Variants in LRRTM3 observed in about 807,000 individuals in gnomAD.
LRRTM3 encodes the protein leucine rich repeat transmembrane neuronal 3, also known as leucine-rich repeat transmembrane neuronal protein 3.
LRRTM3 carries 24 observed loss-of-function variants against 44.7 expected under a neutral mutation model. That is an observed-to-expected ratio of 0.54 (90% CI 0.39 to 0.76). The LOEUF is 0.76. Among genes scored for constraint, LRRTM3 ranks in the 30% least tolerant of loss-of-function variants. The pLI, the probability that LRRTM3 is intolerant of heterozygous loss-of-function variation, is 0.00. For missense variants in LRRTM3, 587 were observed against 702.2 expected, an observed-to-expected ratio of 0.84 and a Z score of 1.85; for synonymous variants, 277 against 278.7, an observed-to-expected ratio of 0.99 and a Z score of 0.06.
At position 67,040,987 on chromosome 10, in the gene LRRTM3, CT is replaced by C. The variant is rs200375206; in HGVS notation, c.1537-56592del. Among the ~76,000 whole-genome samples the C allele has an allele frequency of 4.0e-3, 614 of 151,820 alleles. 6 individuals carry two copies. The highest frequency in any genetic ancestry group is 0.014 in the African/African-American group (569 of 41,420). Reference sequence around the variant, plus strand: ...AATAAGGTGATATAAGCATTTTATACTTTTTTTTAGATTTAGAAATATTACA... The same window carrying C: ...AATAAGGTGATATAAGCATTTTATACTTTTTTTAGATTTAGAAATATTACA... On this transcript the variant is annotated intron_variant, in intron 2 of 2. Coordinates refer to ENST00000361320, the MANE Select transcript of LRRTM3 (RefSeq NM_178011.5).
chr10:67,005,965 C>T (rs1375089374), intron 2 of LRRTM3, among the ~76,000 whole-genome samples: 2 of 151,820 alleles, frequency 1.3e-5, no homozygotes, highest in East Asian at 1.9e-4. Context: ...GGATTACAAG[C>T]GTGAGCCATC....
In LRRTM3 at chr10:67,079,858, A is replaced by AACAC. The variant is rs199928311; in HGVS notation, c.1537-17681_1537-17678dup. Among the ~76,000 whole-genome samples the AACAC allele has an allele frequency of 6.4e-3, 909 of 141,322 alleles. 6 individuals are homozygous for AACAC. Among genetic ancestry groups the AACAC allele is most frequent in the East Asian group, 0.011 (51 of 4,632 alleles). 92.7% of individuals were successfully genotyped at this position (141,322 alleles called of 152,430 possible). On this transcript the variant is annotated intron_variant, in intron 2 of 2. Transcript: ENST00000361320. ...GCGAGACTCCATCTCAAAAAAACAA[A>AACAC]ACACACACACACACACACACACACA...
At chr10:67,024,607 A>G (rs953858817) in intron 2 of LRRTM3, among the ~76,000 whole-genome samples, 3 of 152,174 alleles carry the variant, frequency 2.0e-5, no homozygotes, top group Non-Finnish European at 4.4e-5. Flanking sequence ...TAACTTTGAA[A>G]GAAACAACAA....
At chr10:67,036,167 T>C (rs1854040759) in intron 2 of LRRTM3, among the ~76,000 whole-genome samples, 1 of 152,144 alleles carries the variant, frequency 6.6e-6, no homozygotes, top group Non-Finnish European at 1.5e-5. Context: ...TTTTATCTTA[T>C]TTTGAGACAG....
chr10:66,948,101 T>C (rs1456300790), intron 2 of LRRTM3, among the ~76,000 whole-genome samples: 1 of 152,204 alleles, frequency 6.6e-6, no homozygotes, highest in African/African-American at 2.4e-5. Context: ...ATATCATAAC[T>C]TGTGGGATCA....
In LRRTM3 at chr10:66,926,221, A is replaced by G. The variant is rs989409772; in HGVS notation, c.-363A>G. The G allele has an allele frequency of 2.2e-6, 1 of 450,290 alleles. No homozygotes were observed. Among genetic ancestry groups the G allele is most frequent in the Non-Finnish European group, 4.3e-6 (1 of 234,496 alleles). The allele number at this position is 450,290 out of a possible 1,614,324, so 27.9% of individuals were successfully genotyped here. ...AGGTAGCCCCAAATTGCCTGGAAGA[A>G]TACATCATGTTTTTCGATAAGAAGA... On this transcript the variant is annotated 5_prime_UTR_variant, in exon 1 of 3. Transcript: ENST00000361320.
In LRRTM3 at chr10:67,068,798, G is replaced by A. The variant is rs141771675; in HGVS notation, c.1537-28789G>A. On this transcript the variant is annotated intron_variant, in intron 2 of 2. Coordinates refer to ENST00000361320, the MANE Select transcript of LRRTM3 (RefSeq NM_178011.5). ...GTTTGGACCAGGCATTGTGGCTTAC[G>A]CCTGTAATCCCAGCACTTTGGGAGG... 2.0e-3 allele frequency among the ~76,000 whole-genome samples: 304 copies of A among 152,296 alleles called. 3 individuals carry two copies. The highest frequency in any genetic ancestry group is 0.01 in the Middle Eastern group (3 of 294).
At chr10:67,033,852 C>A (rs1415941403) in intron 2 of LRRTM3, among the ~76,000 whole-genome samples, 1 of 152,066 alleles carries the variant, frequency 6.6e-6, no homozygotes, top group Non-Finnish European at 1.5e-5. Context: ...CTCACCGCAA[C>A]CTCTGCCTCC....
chr10:66,959,218 C>T (rs1848990875), intron 2 of LRRTM3, among the ~76,000 whole-genome samples: 1 of 152,124 alleles, frequency 6.6e-6, no homozygotes, highest in South Asian at 2.1e-4. Context: ...CTTTTATTCT[C>T]TTCAAAACCT....
intron 2 of LRRTM3, among the ~76,000 whole-genome samples, chr10:66,992,715 T>C (rs1164573756): frequency 1.3e-5 from 2 of 152,186 alleles, no homozygotes; most frequent in Non-Finnish European, 2.9e-5. Flanking sequence ...TTAATCAATC[T>C]GTTGTTTGTA....
chr10:66,969,675 T>C (rs2132819529), intron 2 of LRRTM3, among the ~76,000 whole-genome samples: 1 of 152,262 alleles, frequency 6.6e-6, no homozygotes, highest in East Asian at 1.9e-4. Flanking sequence ...TTAAGATCTC[T>C]TTTACAATTT....
chr10:67,099,224 T>A lies in LRRTM3; in HGVS notation c.*1428T>A, dbSNP rs1464147953. The A allele has an allele frequency of 6.6e-6, 1 of 151,710 alleles. No individual in the cohort carries two copies. Among genetic ancestry groups the A allele is most frequent in the Non-Finnish European group, 1.5e-5 (1 of 67,808 alleles). The allele number at this position is 151,710 out of a possible 1,614,324, so 9.4% of individuals were successfully genotyped here. A position where few individuals can be genotyped will look rare whatever the true frequency, so the allele number is the denominator to read the frequency against. On this transcript the variant is annotated 3_prime_UTR_variant, in exon 3 of 3. Transcript: ENST00000361320. Reference sequence around the variant, plus strand: ...TCAAATCAAATTAAGAAAACCTGAGTCTTTAGAAGCTGAAATAATCAACTT... The same window carrying A: ...TCAAATCAAATTAAGAAAACCTGAGACTTTAGAAGCTGAAATAATCAACTT...
chr10:67,078,019 G>A (rs1452404841), intron 2 of LRRTM3, among the ~76,000 whole-genome samples: 1 of 152,150 alleles, frequency 6.6e-6, no homozygotes, highest in African/African-American at 2.4e-5. Context: ...GGATAATTCT[G>A]AGCTAGTAGG....
intron 2 of LRRTM3, chr10:67,015,587 T>C (rs1852604777): frequency 6.6e-6 from 1 of 152,208 alleles, no homozygotes; most frequent in African/African-American, 2.4e-5. Context: ...TCTGGTTGAA[T>C]ATTTATCCTT....
intron 2 of LRRTM3, among the ~76,000 whole-genome samples, chr10:67,021,606 A>G (rs1031638194): frequency 2.6e-5 from 4 of 152,122 alleles, no homozygotes; most frequent in African/African-American, 4.8e-5. Context: ...TATGAGAAAC[A>G]TGTAAAAATG....
chr10:66,933,908 CA>C (rs1213265264), intron 2 of LRRTM3, among the ~76,000 whole-genome samples: 1 of 152,108 alleles, frequency 6.6e-6, no homozygotes, highest in African/African-American at 2.4e-5. Context: ...TCCTCTTTGA[CA>C]GCTGAGTTCC....
chr10:67,044,800 C>G (rs973985998), intron 2 of LRRTM3, among the ~76,000 whole-genome samples: 1 of 152,176 alleles, frequency 6.6e-6, no homozygotes, highest in Non-Finnish European at 1.5e-5. Context: ...AGATCATGGT[C>G]TTTGGAGCCA....
intron 2 of LRRTM3, among the ~76,000 whole-genome samples, chr10:67,024,222 T>C (rs768310750): frequency 3.9e-5 from 6 of 152,214 alleles, no homozygotes; most frequent in Non-Finnish European, 7.3e-5. Context: ...AAGCCAGCAA[T>C]GTGGCATCTT....
intron 2 of LRRTM3, among the ~76,000 whole-genome samples, chr10:67,066,112 C>G (rs1856059173): frequency 6.6e-6 from 1 of 151,448 alleles, no homozygotes; most frequent in African/African-American, 2.4e-5. Context: ...CATGAGGGAG[C>G]TGAGATGAGA....
Sources: gnomAD v4.1 joint callset for allele counts (sites outside exome capture counted in the v4.1 genomes callset) on GRCh38, gnomAD v4.1.1 for gene constraint, MANE v1.5 for transcripts, NCBI Gene and HGNC (gene_info 2026-07-23, HGNC 2026-07-21) for gene names.